ALDH3B2: variants seen among roughly 807,000 people sequenced by gnomAD.
ALDH3B2 encodes the protein aldehyde dehydrogenase family 3 member B2.
Under a neutral mutation model 36.7 loss-of-function variants are expected in ALDH3B2, and 45 were observed. The ratio of observed to expected loss-of-function variants is 1.23; its 90% CI spans 0.97 to 1.57. The LOEUF (loss-of-function observed/expected upper bound fraction) is 1.57. Among genes scored for constraint, ALDH3B2 ranks in the 40% most tolerant of loss-of-function variants. ALDH3B2 has a pLI of 0.00. For synonymous variants in ALDH3B2, 217 were observed against 226.5 expected (o/e 0.96, Z 0.38); for missense variants, 464 against 513.3 (o/e 0.90, Z 0.93).
intron 3 of ALDH3B2, 74 bp from the exon 4 acceptor site, chr11:67,666,768 C>T: frequency 6.2e-7 from 1 of 1,608,788 alleles, no homozygotes; most frequent in East Asian, 2.2e-5. Context: ...CTTGGGGCCT[C>T]AGCTCCCTGT....
chr11:67,667,608 C>A (rs1276152137), exon 2 of ALDH3B2: 1 of 358,396 alleles, frequency 2.8e-6, no homozygotes, highest in Admixed American at 5.0e-5. Context: ...CACGCAGCCG[C>A]CGCAGCGTGT....
intron 1 of ALDH3B2, among the ~76,000 whole-genome samples, chr11:67,680,872 T>C (rs1035790505): frequency 2.6e-5 from 4 of 152,166 alleles, no homozygotes; most frequent in Admixed American, 6.5e-5. Context: ...CTGTTGAAAC[T>C]ATACAAGCAC....
chr11:67,663,824 A>T, intron 8 of ALDH3B2, 63 bp from the exon 9 acceptor site: 1 of 1,431,844 alleles, frequency 7.0e-7, no homozygotes, highest in Non-Finnish European at 9.6e-7. Context: ...TGAGCCCCGC[A>T]CATTCCACAG....
At chr11:67,670,523 T>A (rs1468870562) in intron 1 of ALDH3B2, among the ~76,000 whole-genome samples, 1 of 152,138 alleles carries the variant, frequency 6.6e-6, no homozygotes, top group Non-Finnish European at 1.5e-5. Flanking sequence ...TGGAGGCCAG[T>A]GGCCCCATCT....
intron 3 of ALDH3B2, 80 bp downstream of exon 3, chr11:67,666,826 C>T: frequency 6.2e-7 from 1 of 1,611,068 alleles, no homozygotes; most frequent in Non-Finnish European, 8.5e-7. Context: ...TCGCCCGGGG[C>T]CTCAGGGGCA....
chr11:67,679,475 GAA>G (rs951545287), upstream of ALDH3B2, among the ~76,000 whole-genome samples: 1 of 140,696 alleles, frequency 7.1e-6, no homozygotes, highest in Admixed American at 7.1e-5. Context: ...CATCTCAAAA[GAA>G]AAAAAAAAGA....
At position 67,666,219 on chromosome 11, in the gene ALDH3B2, A is replaced by G. The variant is rs1241316780; in HGVS notation, c.238-16T>C. ...CAAAGCAGCTCTGCAAGGTGGAATG[A>G]GAGGCTCGGGGCGGGCTCGGGGCCA... On this transcript the variant is annotated splice_polypyrimidine_tract_variant and intron_variant, in intron 5 of 9. Coordinates refer to ENST00000349015, the Ensembl canonical transcript of ALDH3B2. 6.3e-7 allele frequency: 1 copy of G among 1,580,484 alleles called. No homozygotes were observed. Among genetic ancestry groups the G allele is most frequent in the Non-Finnish European group, 8.6e-7 (1 of 1,168,034 alleles).
At chr11:67,663,634 C>G (rs1277878367) in intron 9 of ALDH3B2, 28 bp downstream of exon 9, 5 of 1,594,108 alleles carry the variant, frequency 3.1e-6, no homozygotes, top group Non-Finnish European at 3.4e-6. Context: ...CCAAGCTTCC[C>G]TAGGGGTGGA....
intron 1 of ALDH3B2, among the ~76,000 whole-genome samples, chr11:67,672,713 C>A (rs532021269): frequency 3.0e-4 from 46 of 151,802 alleles, no homozygotes; most frequent in African/African-American, 1.1e-3. Flanking sequence ...CCTCAGCCTC[C>A]CGAGTAGCTG....
At chr11:67,680,415 T>A (rs1262101939) in intron 1 of ALDH3B2, among the ~76,000 whole-genome samples, 1 of 152,204 alleles carries the variant, frequency 6.6e-6, no homozygotes, top group African/African-American at 2.4e-5. Context: ...TACTCTTAAT[T>A]GTCAAATTAT....
chr11:67,680,254 C>T lies in ALDH3B2; in HGVS notation c.-245+922G>A, dbSNP rs981103233. 3.3e-5 allele frequency among the ~76,000 whole-genome samples: 5 copies of T among 152,312 alleles called. No homozygotes were observed. The East Asian group carries it at 5.8e-4, about 18-fold the overall frequency. ...ACTTGAACCAGGGAGGTGGAGCTTGCAGTAAGCCGAGATTGCACTACCACA... is the reference window on the plus strand; with the variant it reads ...ACTTGAACCAGGGAGGTGGAGCTTGTAGTAAGCCGAGATTGCACTACCACA... On this transcript the variant is annotated intron_variant, in intron 1 of 9. Coordinates refer to the ALDH3B2 transcript ENST00000530069.
At chr11:67,670,775 C>T (rs550796375) in intron 1 of ALDH3B2, among the ~76,000 whole-genome samples, 68 of 152,314 alleles carry the variant, frequency 4.5e-4, no homozygotes, top group Admixed American at 4.2e-3. Flanking sequence ...TGATCACATT[C>T]CTGGCACAGG....
At chr11:67,679,589 C>G (rs149063309), upstream of ALDH3B2, among the ~76,000 whole-genome samples, 2,332 of 151,794 alleles carry the variant, frequency 0.015, 64 homozygotes, top group African/African-American at 0.052. Flanking sequence ...ACCATCCTAG[C>G]TAACACAGTG....
upstream of ALDH3B2, among the ~76,000 whole-genome samples, chr11:67,677,330 T>C (rs2514061): frequency 0.045 from 6,910 of 152,180 alleles, 528 homozygotes; most frequent in African/African-American, 0.16. Context: ...ATGCATCACA[T>C]AACCAGAATT....
chr11:67,676,961 A>C (rs1158582151), upstream of ALDH3B2, among the ~76,000 whole-genome samples: 3 of 152,192 alleles, frequency 2.0e-5, no homozygotes, highest in African/African-American at 7.2e-5. Context: ...TGGTAATTTT[A>C]AAATTACCAA....
intron 1 of ALDH3B2, among the ~76,000 whole-genome samples, chr11:67,673,082 C>T (rs1352484360): frequency 3.3e-5 from 5 of 152,064 alleles, no homozygotes; most frequent in African/African-American, 1.2e-4. Flanking sequence ...AGGTGCCCGC[C>T]ACCACACCCA....
At chr11:67,667,494 C>A in exon 2 of ALDH3B2, 1 of 388,404 alleles carries the variant, frequency 2.6e-6, no homozygotes, top group Non-Finnish European at 4.8e-6. Flanking sequence ...CCTGGGCCAG[C>A]ACGTCGCGCA....
At chr11:67,675,772 C>T (rs1228473471), upstream of ALDH3B2, among the ~76,000 whole-genome samples, 1 of 152,228 alleles carries the variant, frequency 6.6e-6, no homozygotes, top group East Asian at 1.9e-4. Context: ...TGGGTTATGG[C>T]CACTGGGGAG....
upstream of ALDH3B2, among the ~76,000 whole-genome samples, chr11:67,678,559 G>A (rs1216421702): frequency 2.0e-5 from 3 of 151,694 alleles, no homozygotes; most frequent in East Asian, 5.8e-4. Context: ...CATTGGCTTA[G>A]GCAAGGATTT....
Sources: allele counts gnomAD v4.1 joint callset (sites outside exome capture counted in the v4.1 genomes callset), GRCh38; gene constraint gnomAD v4.1.1; transcripts MANE v1.5; gene names NCBI Gene and HGNC (gene_info 2026-07-23, HGNC 2026-07-21).